CDH1: variants seen among roughly 807,000 people sequenced by gnomAD.
CDH1 encodes the protein cadherin 1.
A neutral mutation model predicts 84.5 loss-of-function variants in CDH1; 35 were observed. That is an observed-to-expected ratio of 0.41 (90% confidence interval 0.32 to 0.55). The LOEUF is 0.55. CDH1 is among the 20% of genes least tolerant of loss of function. CDH1 has a pLI of 0.19. For missense variants in CDH1, 994 were observed against 1,126.6 expected, an observed-to-expected ratio of 0.88 and a Z score of 1.68; for synonymous variants, 417 against 439.0, an observed-to-expected ratio of 0.95 and a Z score of 0.63.
At chr16:68,756,125 A>G (rs1963011435) in intron 2 of CDH1, among the ~76,000 whole-genome samples, 1 of 149,212 alleles carries the variant, frequency 6.7e-6, no homozygotes, top group Middle Eastern at 3.2e-3. Context: ...GGCATCATTT[A>G]GGGCATATTT....
chr16:68,818,037 G>A (rs926349310), intron 10 of CDH1, among the ~76,000 whole-genome samples: 2 of 151,942 alleles, frequency 1.3e-5, no homozygotes, highest in Non-Finnish European at 2.9e-5. Flanking sequence ...TCAGGAGATC[G>A]AGACTATCCT....
intron 2 of CDH1, among the ~76,000 whole-genome samples, 171 bp downstream of exon 2, chr16:68,738,582 CTG>C (rs1962468525): frequency 2.0e-5 from 3 of 152,188 alleles, no homozygotes; most frequent in South Asian, 2.1e-4. Flanking sequence ...CGACTGAACA[CTG>C]TGGTGGAGGG....
chr16:68,780,147 C>T (rs1263210239), intron 2 of CDH1, among the ~76,000 whole-genome samples: 2 of 150,302 alleles, frequency 1.3e-5, no homozygotes, highest in South Asian at 2.1e-4. Flanking sequence ...GACCGTGTGG[C>T]TCCCTTCCTC....
At chr16:68,783,770 G>A (rs530237819) in intron 2 of CDH1, among the ~76,000 whole-genome samples, 54 of 152,020 alleles carry the variant, frequency 3.6e-4, no homozygotes, top group African/African-American at 1.2e-3. Flanking sequence ...CTCACCTCCC[G>A]GGTTCAAGCA....
Position 68,823,563 on chromosome 16 carries a change from G to A in CDH1, c.2101G>A (p.Val701Ile), listed in dbSNP as rs1426734014. The change falls in exon 13 of 16, where the codon GTC becomes ATC. Residue 701 changes from valine (V) to isoleucine (I), a missense_variant. Transcript: ENST00000261769. ...TGGCGTCTGTAGGAAGGCACAGCCT[G>A]TCGAAGCAGGATTGCAAATTCCTGC... ...AAGVCRKAQP[V>I]EAGLQIPAIL... The A allele has an allele frequency of 6.2e-7, 1 of 1,613,990 alleles. No homozygotes were observed. The highest frequency in any genetic ancestry group is 8.5e-7 in the Non-Finnish European group (1 of 1,180,028).
At chr16:68,751,529 G>A (rs1368538440) in intron 2 of CDH1, among the ~76,000 whole-genome samples, 6 of 149,576 alleles carry the variant, frequency 4.0e-5, no homozygotes, top group African/African-American at 1.5e-4. Flanking sequence ...TAGAGACGGA[G>A]TCTCACTCTG....
At chr16:68,806,287 G>A (rs1960658219) in intron 3 of CDH1, among the ~76,000 whole-genome samples, 1 of 151,856 alleles carries the variant, frequency 6.6e-6, no homozygotes, top group Non-Finnish European at 1.5e-5. Context: ...AAGTAGTTGG[G>A]ACCCCGTGTG....
chr16:68,820,281 G>A (rs529706884), intron 11 of CDH1, among the ~76,000 whole-genome samples: 454 of 152,162 alleles, frequency 3.0e-3, no homozygotes, highest in Non-Finnish European at 5.0e-3. Context: ...TTCCCTAAGG[G>A]AACCAGGTAA....
intron 3 of CDH1, among the ~76,000 whole-genome samples, chr16:68,804,223 C>T (rs1172280208): frequency 2.0e-5 from 3 of 149,374 alleles, no homozygotes; most frequent in African/African-American, 7.4e-5. Context: ...ATGCCATTCT[C>T]CTGCCTCAGC....
intron 2 of CDH1, among the ~76,000 whole-genome samples, chr16:68,796,217 G>A (rs1189743604): frequency 6.6e-6 from 1 of 152,074 alleles, no homozygotes; most frequent in Non-Finnish European, 1.5e-5. Flanking sequence ...GTTCGCTGTG[G>A]GAAATGTGTT....
At chr16:68,764,115 G>C (rs1959301835) in intron 2 of CDH1, among the ~76,000 whole-genome samples, 1 of 152,186 alleles carries the variant, frequency 6.6e-6, no homozygotes, top group Admixed American at 6.6e-5. Flanking sequence ...ATGATTATTG[G>C]TTGGGTTTGG....
intron 11 of CDH1, among the ~76,000 whole-genome samples, chr16:68,821,487 C>T (rs923842371): frequency 7.1e-6 from 1 of 140,496 alleles, no homozygotes; most frequent in Non-Finnish European, 1.5e-5. Context: ...AAAAAAAAAG[C>T]GTATGTGAAC....
rs864622630 is a variant in CDH1 at position 68,833,452 on chromosome 16, C to T, written c.2602C>T (p.Arg868Cys). ...TGACTACTTGAACGAATGGGGCAATCGCTTCAAGAAGCTGGCTGACATGTA... is the reference window on the plus strand; with the variant it reads ...TGACTACTTGAACGAATGGGGCAATTGCTTCAAGAAGCTGGCTGACATGTA... Reference protein sequence around the residue: ...DYDYLNEWGNRFKKLADMYGG... With the variant: ...DYDYLNEWGNCFKKLADMYGG... Residue 868 changes from arginine to cysteine, a missense_variant, in exon 16 of 16, where the codon CGC becomes TGC. Around this residue, in one of 3 missense-constraint regions of CDH1, gnomAD observed 769 missense variants for 881.8 expected, o/e 0.87. Transcript: ENST00000261769. 5.6e-6 allele frequency: 9 copies of T among 1,614,108 alleles called. No homozygotes were observed. The highest frequency in any genetic ancestry group is 2.2e-5 in the East Asian group (1 of 44,874).
At chr16:68,831,692 C>T (rs1335700404) in intron 15 of CDH1, among the ~76,000 whole-genome samples, 3 of 151,906 alleles carry the variant, frequency 2.0e-5, no homozygotes, top group Non-Finnish European at 4.4e-5. Context: ...GGCACCACTA[C>T]CACGCCCAGC....
intron 2 of CDH1, among the ~76,000 whole-genome samples, chr16:68,759,150 G>A (rs1597855319): frequency 1.3e-5 from 2 of 152,120 alleles, no homozygotes; most frequent in African/African-American, 4.8e-5. Context: ...GTGTTGCCCA[G>A]GTTGGTCTCA....
chr16:68,787,950 T>C (rs1960106525), intron 2 of CDH1, among the ~76,000 whole-genome samples: 1 of 151,616 alleles, frequency 6.6e-6, no homozygotes, highest in African/African-American at 2.4e-5. Context: ...CTCAGCCTCC[T>C]GAATAGCTGG....
chr16:68,833,141 A>G (rs554082326), intron 15 of CDH1, 149 bp from the exon 16 acceptor site: 1 of 695,952 alleles, frequency 1.4e-6, no homozygotes, highest in South Asian at 1.6e-5. Context: ...GACAGTGTGT[A>G]TAAATGTACG....
At chr16:68,814,161 G>T (rs2152134068) in intron 9 of CDH1, among the ~76,000 whole-genome samples, 1 of 152,282 alleles carries the variant, frequency 6.6e-6, no homozygotes, top group East Asian at 1.9e-4. Flanking sequence ...CTTGAACCTA[G>T]GAGAGGGAGG....
At position 68,833,597 on chromosome 16, in the gene CDH1, T is replaced by C. The variant is rs1961553799; in HGVS notation, c.*98T>C. The C allele has an allele frequency of 1.1e-6, 1 of 931,904 alleles. No homozygotes were observed. Among genetic ancestry groups the C allele is most frequent in the Non-Finnish European group, 1.7e-6 (1 of 571,732 alleles). The allele number at this position is 931,904 out of a possible 1,614,324, so 57.7% of individuals were successfully genotyped here. A position where few individuals can be genotyped will look rare whatever the true frequency, so the allele number is the denominator to read the frequency against. ...GCTCCCTTCCCTTGAGATGAGTTTC[T>C]GGGGAAAAAAAAGAGACTGGTTAGT... is the stretch of plus-strand genomic sequence containing the variant. On this transcript the variant is annotated 3_prime_UTR_variant, in exon 16 of 16. Coordinates refer to ENST00000261769, the MANE Select transcript of CDH1 (RefSeq NM_004360.5).
Sources: gnomAD v4.1 joint callset for allele counts (sites outside exome capture counted in the v4.1 genomes callset) on GRCh38, gnomAD v4.1.1 for gene constraint, gnomAD v4.1.1 regional missense constraint, MANE v1.5 for transcripts, NCBI Gene and HGNC (gene_info 2026-07-23, HGNC 2026-07-21) for gene names.